GALNT7: variants seen among roughly 807,000 people sequenced by gnomAD.
GALNT7 encodes N-acetylgalactosaminyltransferase 7.
GALNT7 carries 60 observed loss-of-function variants against 82.1 expected under a neutral mutation model. That is an observed-to-expected ratio of 0.73 (90% confidence interval 0.59 to 0.91). The LOEUF is 0.91. GALNT7 is among the 40% of genes least tolerant of loss of function. The pLI is 0.00. For synonymous variants in GALNT7, 243 were observed against 275.1 expected, an observed-to-expected ratio of 0.88 and a Z score of 1.15; for missense variants, 660 against 804.2, an observed-to-expected ratio of 0.82 and a Z score of 2.17.
intron 2 of GALNT7, among the ~76,000 whole-genome samples, chr4:173,254,689 G>A (rs149656036): frequency 2.0e-5 from 3 of 152,236 alleles, no homozygotes; most frequent in African/African-American, 7.2e-5. Flanking sequence ...CAAACTAATT[G>A]ATGACAATTT....
chr4:173,203,892 T>C (rs1458523805), intron 1 of GALNT7, among the ~76,000 whole-genome samples: 1 of 152,244 alleles, frequency 6.6e-6, no homozygotes, highest in African/African-American at 2.4e-5. Flanking sequence ...ATCACAGTAT[T>C]ATTCTGAATT....
At chr4:173,273,801 G>C (rs1735809818) in intron 2 of GALNT7, among the ~76,000 whole-genome samples, 1 of 151,732 alleles carries the variant, frequency 6.6e-6, no homozygotes, top group South Asian at 2.1e-4. Flanking sequence ...TTGTAATACT[G>C]TTTTATTCTG....
At chr4:173,228,529 T>C (rs1291646131) in intron 1 of GALNT7, among the ~76,000 whole-genome samples, 1 of 152,104 alleles carries the variant, frequency 6.6e-6, no homozygotes, top group African/African-American at 2.4e-5. Context: ...TTCTAGTAGA[T>C]TGGCTAGTAT....
rs1282857751 is a variant in GALNT7 at position 173,181,284 on chromosome 4, CG to C, written c.126+12324del. On this transcript the variant is annotated intron_variant, in intron 1 of 11. Transcript: ENST00000265000. ...ATGGGGATATACAGGCCTGCAGTTT[CG>C]TTAACTGTTGCTCCCTGTGTGATGG... Among the ~76,000 whole-genome samples the C allele has an allele frequency of 2.0e-5, 3 of 152,108 alleles. No individual in the cohort carries two copies. In the East Asian group the frequency reaches 5.8e-4, roughly 29 times the overall value.
At chr4:173,210,267 G>A (rs1733235333) in intron 1 of GALNT7, among the ~76,000 whole-genome samples, 1 of 152,116 alleles carries the variant, frequency 6.6e-6, no homozygotes, top group African/African-American at 2.4e-5. Context: ...AGAAACCTAT[G>A]CTTCGGAGTC....
At chr4:173,177,971 C>T (rs1347874708) in intron 1 of GALNT7, among the ~76,000 whole-genome samples, 2 of 150,664 alleles carry the variant, frequency 1.3e-5, no homozygotes, top group Non-Finnish European at 2.9e-5. Flanking sequence ...GCTACCATAA[C>T]TTTATGTGCC....
rs556782365 is a variant in GALNT7 at position 173,223,161 on chromosome 4, A to C, written c.127-24819A>C. 2.0e-5 allele frequency among the ~76,000 whole-genome samples: 3 copies of C among 152,298 alleles called. No individual in the cohort carries two copies. In the East Asian group the frequency reaches 5.8e-4, roughly 29 times the overall value. On this transcript the variant is annotated intron_variant, in intron 1 of 11. Coordinates refer to ENST00000265000, the MANE Select transcript of GALNT7 (RefSeq NM_017423.3). ...AAGCTGCCTGATAAGTGAGTGCAAG[A>C]ATTATAACCATTGATACACACTGTA...
At chr4:173,247,939 G>A (rs1035318294) in intron 1 of GALNT7, 41 bp from the exon 2 acceptor site, 4 of 1,321,450 alleles carry the variant, frequency 3.0e-6, no homozygotes, top group Non-Finnish European at 3.2e-6. Flanking sequence ...GTGGTGGTTT[G>A]CCTTCATGTA....
chr4:173,237,759 T>TAAA (rs34258933), intron 1 of GALNT7, among the ~76,000 whole-genome samples: 1 of 144,478 alleles, frequency 6.9e-6, no homozygotes. Context: ...TTCCCTGGAT[T>TAAA]AAAAAAAAAA....
intron 1 of GALNT7, among the ~76,000 whole-genome samples, chr4:173,238,574 A>C (rs188526019): frequency 1.5e-3 from 222 of 152,326 alleles, no homozygotes; most frequent in African/African-American, 5.2e-3. Flanking sequence ...AACTTTGACA[A>C]ATGCAGTTTT....
At chr4:173,321,557 T>A (rs771527934) in intron 11 of GALNT7, 23 bp from the exon 12 acceptor site, 2 of 1,599,872 alleles carry the variant, frequency 1.3e-6, no homozygotes, top group Non-Finnish European at 8.6e-7. Context: ...AATTTGAAAC[T>A]TTTTTCTTAC....
intron 1 of GALNT7, among the ~76,000 whole-genome samples, chr4:173,245,501 T>C (rs1369827441): frequency 6.6e-6 from 1 of 152,124 alleles, no homozygotes; most frequent in African/African-American, 2.4e-5. Flanking sequence ...CAACTACTCT[T>C]CTATATTTAA....
rs776589769 is a variant in GALNT7 at position 173,168,972 on chromosome 4, C to A, written c.126+11C>A. The A allele has an allele frequency of 2.1e-5, 34 of 1,610,412 alleles. No individual in the cohort carries two copies. The highest frequency in any genetic ancestry group is 2.8e-5 in the Non-Finnish European group (33 of 1,178,028). ...CTGAGCAGGATGAGGGTGAGTGACC[C>A]GCCCGGCCCCCTCCGGCGGCAGCGA... On this transcript the variant is annotated intron_variant, in intron 1 of 11. Transcript: ENST00000265000.
intron 1 of GALNT7, among the ~76,000 whole-genome samples, chr4:173,210,324 T>A (rs1287811377): frequency 6.6e-6 from 1 of 152,082 alleles, no homozygotes; most frequent in Non-Finnish European, 1.5e-5. Flanking sequence ...ATTTCATCCG[T>A]CGGAAATTTA....
intron 2 of GALNT7, among the ~76,000 whole-genome samples, chr4:173,248,663 T>C (rs1734748173): frequency 1.3e-5 from 2 of 152,170 alleles, no homozygotes; most frequent in Non-Finnish European, 2.9e-5. Flanking sequence ...TCTACGTCAG[T>C]GCTATTCAAA....
chr4:173,178,052 T>TGTGTGCGCGCGCGCGCGC (rs563102408), intron 1 of GALNT7, among the ~76,000 whole-genome samples: 5 of 129,510 alleles, frequency 3.9e-5, no homozygotes, highest in African/African-American at 1.2e-4. Flanking sequence ...TGTGTGTGTG[T>TGTGTGCGCGCGCGCGCGC]GCGCGCACGC....
At chr4:173,216,727 A>ATATATATATATATATATATAT (rs71244915) in intron 1 of GALNT7, among the ~76,000 whole-genome samples, 3 of 12,980 alleles carry the variant, frequency 2.3e-4, no homozygotes, top group African/African-American at 8.4e-4. Flanking sequence ...ATATATATAT[A>ATATATATATATATATATATAT]TTTTTTTTTT....
intron 3 of GALNT7, among the ~76,000 whole-genome samples, 179 bp from the exon 4 acceptor site, chr4:173,295,217 G>A (rs375962659): frequency 1.3e-5 from 2 of 152,194 alleles, no homozygotes; most frequent in East Asian, 1.9e-4. Flanking sequence ...TGTAGGCATA[G>A]TAAACTCAAA....
At chr4:173,261,642 C>G (rs995872011) in intron 2 of GALNT7, among the ~76,000 whole-genome samples, 1 of 151,886 alleles carries the variant, frequency 6.6e-6, no homozygotes, top group Non-Finnish European at 1.5e-5. Context: ...CATGGTGAAA[C>G]CTCATCTCTA....
Sources: allele counts gnomAD v4.1 joint callset (sites outside exome capture counted in the v4.1 genomes callset), GRCh38; gene constraint gnomAD v4.1.1; transcripts MANE v1.5; gene names NCBI Gene and HGNC (gene_info 2026-07-23, HGNC 2026-07-21).